Variants in PTPRT observed in about 807,000 individuals in gnomAD.
PTPRT encodes protein tyrosine phosphatase receptor type T, also known as receptor-type tyrosine-protein phosphatase T.
PTPRT carries 56 observed loss-of-function variants against 176.8 expected under a neutral mutation model. That is an observed-to-expected ratio of 0.32 (90% CI 0.26 to 0.40). The LOEUF (loss-of-function observed/expected upper bound fraction) is 0.40. PTPRT is among the 10% of genes least tolerant of loss of function. PTPRT has a pLI of 1.00. For missense variants in PTPRT, 1,540 were observed against 1,908.2 expected (o/e 0.81, Z 3.60); for synonymous variants, 783 against 739.0 (o/e 1.06, Z -0.96).
At chr20:42,834,782 C>G (rs1312430603) in intron 2 of PTPRT, among the ~76,000 whole-genome samples, 2 of 151,982 alleles carry the variant, frequency 1.3e-5, no homozygotes, top group Admixed American at 1.3e-4. Flanking sequence ...TATGATTCTA[C>G]ACATTTGTCT....
intron 11 of PTPRT, among the ~76,000 whole-genome samples, chr20:42,346,531 C>A (rs1204905321): frequency 6.6e-6 from 1 of 152,092 alleles, no homozygotes; most frequent in Non-Finnish European, 1.5e-5. Flanking sequence ...AATACAAAAG[C>A]AATAAATCTC....
At chr20:42,272,834 T>C (rs2056961973) in intron 13 of PTPRT, among the ~76,000 whole-genome samples, 1 of 152,202 alleles carries the variant, frequency 6.6e-6, no homozygotes, top group African/African-American at 2.4e-5. Flanking sequence ...ATCATTCCTT[T>C]GCCTTGTCCC....
At chr20:42,488,966 AAGAG>A (rs1361333333) in intron 7 of PTPRT, among the ~76,000 whole-genome samples, 29 of 150,130 alleles carry the variant, frequency 1.9e-4, no homozygotes, top group African/African-American at 6.6e-4. Flanking sequence ...AAAAAAAAGA[AAGAG>A]AGAAAGAAAT....
chr20:43,110,309 C>T (rs1337371658), intron 1 of PTPRT, among the ~76,000 whole-genome samples: 1 of 152,238 alleles, frequency 6.6e-6, no homozygotes, highest in African/African-American at 2.4e-5. Flanking sequence ...CATGAGGGAT[C>T]ACCCATAAGT....
At chr20:42,173,382 C>T (rs2146551852) in intron 16 of PTPRT, among the ~76,000 whole-genome samples, 1 of 152,250 alleles carries the variant, frequency 6.6e-6, no homozygotes, top group East Asian at 1.9e-4. Context: ...CTTACCTCTT[C>T]TCCAACCAGA....
intron 9 of PTPRT, among the ~76,000 whole-genome samples, chr20:42,363,239 C>A (rs571849549): frequency 7.1e-6 from 1 of 140,158 alleles, no homozygotes; most frequent in Non-Finnish European, 1.5e-5. Context: ...CACCCCTCCA[C>A]CCCTCACATT....
intron 1 of PTPRT, among the ~76,000 whole-genome samples, chr20:43,165,561 A>C (rs2014836918): frequency 2.0e-5 from 3 of 152,176 alleles, no homozygotes; most frequent in Admixed American, 1.3e-4. Context: ...ATGTGAGTCC[A>C]TTAAACCTCT....
At chr20:42,843,778 A>G (rs2078321081) in intron 2 of PTPRT, among the ~76,000 whole-genome samples, 1 of 152,246 alleles carries the variant, frequency 6.6e-6, no homozygotes, top group Non-Finnish European at 1.5e-5. Flanking sequence ...TCTGGGTGCC[A>G]CATTCTAATG....
intron 11 of PTPRT, among the ~76,000 whole-genome samples, chr20:42,330,246 G>A (rs981511627): frequency 2.0e-5 from 3 of 152,068 alleles, no homozygotes; most frequent in Non-Finnish European, 2.9e-5. Flanking sequence ...TGAGGTGGGC[G>A]GATCACCTGA....
chr20:42,913,051 T>C (rs191037880), intron 1 of PTPRT, among the ~76,000 whole-genome samples: 1 of 151,500 alleles, frequency 6.6e-6, no homozygotes, highest in African/African-American at 2.4e-5. Flanking sequence ...AGTCTCTCCA[T>C]CAGTAAAATA....
chr20:42,790,221 T>C (rs2077352051), intron 3 of PTPRT, among the ~76,000 whole-genome samples: 1 of 122,940 alleles, frequency 8.1e-6, no homozygotes, highest in African/African-American at 3.4e-5. Context: ...TTAATAACAT[T>C]GTTAAAAAAA....
chr20:42,544,991 C>T (rs979382462), intron 7 of PTPRT, among the ~76,000 whole-genome samples: 6 of 152,110 alleles, frequency 3.9e-5, no homozygotes, highest in Non-Finnish European at 8.8e-5. Flanking sequence ...TCCCCAGCTT[C>T]GCCTTTAGAT....
In PTPRT at chr20:42,740,057, G is replaced by A. The variant is rs550711031; in HGVS notation, c.859+16405C>T. Among the ~76,000 whole-genome samples the A allele has an allele frequency of 5.9e-5, 9 of 152,254 alleles. No individual in the cohort carries two copies. The South Asian group carries it at 1.5e-3, about 25-fold the overall frequency. The stretch of plus-strand genomic sequence containing the variant: ...GCAGATGGTGGGTCTAGAATCGGAC[G>A]CTCAACCCTGTCAGGGATAGGCAGA... On this transcript the variant is annotated intron_variant, in intron 6 of 30. Coordinates refer to ENST00000373187, the MANE Select transcript of PTPRT (RefSeq NM_007050.6).
chr20:42,411,182 T>G (rs2059012149), intron 9 of PTPRT, among the ~76,000 whole-genome samples: 1 of 152,090 alleles, frequency 6.6e-6, no homozygotes, highest in South Asian at 2.1e-4. Context: ...TGGAGGCTCA[T>G]GCTTGTAATC....
At chr20:42,162,872 G>A (rs145766290) in intron 16 of PTPRT, among the ~76,000 whole-genome samples, 4 of 152,138 alleles carry the variant, frequency 2.6e-5, no homozygotes, top group South Asian at 2.1e-4. Context: ...TCTACTTCTC[G>A]GCAGCAGCAT....
intron 6 of PTPRT, among the ~76,000 whole-genome samples, chr20:42,717,603 G>A (rs1011282415): frequency 1.3e-5 from 2 of 151,564 alleles, no homozygotes; most frequent in African/African-American, 4.8e-5. Flanking sequence ...TTTTTATTGT[G>A]GGGAACACAA....
At chr20:42,527,057 G>A (rs991012074) in intron 7 of PTPRT, among the ~76,000 whole-genome samples, 6 of 139,204 alleles carry the variant, frequency 4.3e-5, no homozygotes, top group Non-Finnish European at 4.6e-5. Context: ...TCCTCCTCCC[G>A]GGTTCACGCC....
At chr20:42,127,252 AC>A (rs1462048821) in intron 19 of PTPRT, among the ~76,000 whole-genome samples, 1 of 152,170 alleles carries the variant, frequency 6.6e-6, no homozygotes, top group Admixed American at 6.5e-5. Context: ...AGGAGACTGG[AC>A]TATGGCAGGC....
intron 19 of PTPRT, among the ~76,000 whole-genome samples, chr20:42,124,069 G>A (rs902088759): frequency 4.6e-5 from 7 of 152,146 alleles, no homozygotes. Context: ...TCTGAGTAAA[G>A]AGACCCTCCT....
Sources: allele counts gnomAD v4.1 joint callset (sites outside exome capture counted in the v4.1 genomes callset), GRCh38; gene constraint gnomAD v4.1.1; transcripts MANE v1.5; gene names NCBI Gene and HGNC (gene_info 2026-07-23, HGNC 2026-07-21).